Variants in TBC1D12 observed in about 807,000 individuals in gnomAD.
TBC1D12 encodes the protein TBC1 domain family member 12.
Under a neutral mutation model 86.7 loss-of-function variants are expected in TBC1D12, and 56 were observed. That is an observed-to-expected ratio of 0.65 (90% CI 0.52 to 0.81). The LOEUF (loss-of-function observed/expected upper bound fraction) is 0.81, where lower values mean the gene tolerates loss of function less well. Ranked by LOEUF, TBC1D12 falls within the 30% of genes least tolerant of loss-of-function variation. The pLI is 0.00. For missense variants in TBC1D12, 1,023 were observed against 1,038.8 expected (o/e 0.98, Z 0.21); for synonymous variants, 421 against 411.7 (o/e 1.02, Z -0.27).
chr10:94,530,739 G>A (rs986584486), intron 11 of TBC1D12, among the ~76,000 whole-genome samples: 6 of 151,882 alleles, frequency 4.0e-5, no homozygotes, highest in African/African-American at 1.5e-4. Flanking sequence ...TTAACTACCA[G>A]ACTGTTCTAC....
intron 9 of TBC1D12, among the ~76,000 whole-genome samples, chr10:94,515,493 G>A (rs1282618396): frequency 6.6e-6 from 1 of 151,728 alleles, no homozygotes; most frequent in Non-Finnish European, 1.5e-5. Context: ...GATTACAGGC[G>A]CCCGCCACCA....
chr10:94,500,268 CTA>C lies in TBC1D12; in HGVS notation c.1461_1462del (p.Ser488CysfsTer13). 6.2e-7 allele frequency: 1 copy of C among 1,613,992 alleles called. No individual in the cohort carries two copies. The highest frequency in any genetic ancestry group is 8.5e-7 in the Non-Finnish European group (1 of 1,179,934). ...GAATTGTGGTGGCAGGGATTGCCCCCTAGTGTCCGTGGGAAAGTTTGGAGTCT... is the reference window on the plus strand; with the variant it reads ...GAATTGTGGTGGCAGGGATTGCCCCCGTGTCCGTGGGAAAGTTTGGAGTCT... On this transcript the variant is annotated frameshift_variant, in exon 6 of 13. Transcript: ENST00000225235. LOFTEE classifies it high-confidence loss of function.
At chr10:94,529,416 C>T (rs149910099) in intron 11 of TBC1D12, among the ~76,000 whole-genome samples, 3,339 of 152,226 alleles carry the variant, frequency 0.022, 127 homozygotes, top group African/African-American at 0.074. Flanking sequence ...GTTGGGAATT[C>T]GAGACCAGCC....
intron 2 of TBC1D12, among the ~76,000 whole-genome samples, chr10:94,472,162 T>C (rs1365701214): frequency 2.6e-5 from 4 of 152,154 alleles, no homozygotes; most frequent in African/African-American, 7.2e-5. Flanking sequence ...CCTGACACTT[T>C]GGGAGACAGG....
At chr10:94,504,294 G>A (rs2056434820) in intron 6 of TBC1D12, among the ~76,000 whole-genome samples, 1 of 152,068 alleles carries the variant, frequency 6.6e-6, no homozygotes, top group Admixed American at 6.6e-5. Flanking sequence ...TAAAATATTG[G>A]TTAAATTGGT....
chr10:94,517,455 A>T (rs1321389573), intron 9 of TBC1D12, among the ~76,000 whole-genome samples: 1 of 152,194 alleles, frequency 6.6e-6, no homozygotes, highest in African/African-American at 2.4e-5. Flanking sequence ...GAAAATTAAA[A>T]TACTGTTACT....
chr10:94,531,936 A>G (rs1433130484), intron 12 of TBC1D12, among the ~76,000 whole-genome samples: 2 of 149,566 alleles, frequency 1.3e-5, no homozygotes, highest in South Asian at 2.1e-4. Context: ...GCTGGAGTGC[A>G]GTGGTGTGAT....
rs1389710881 is a variant in TBC1D12, at chr10:94,403,181, G to C, written c.568G>C (p.Asp190His). The C allele has an allele frequency of 4.0e-6, 6 of 1,488,774 alleles. No individual in the cohort carries two copies. In the African/African-American group the frequency reaches 7.3e-5, roughly 18 times the overall value. 92.2% of individuals were successfully genotyped at this position (1,488,774 alleles called of 1,614,324 possible). A position where few individuals can be genotyped will look rare whatever the true frequency, so the allele number is the denominator to read the frequency against. Residue 190 changes from aspartate to histidine, a missense_variant, in exon 1 of 13, where the codon GAT becomes CAT. Physicochemically the swap from Asp to His is moderately conservative, Grantham distance 81. Transcript: ENST00000225235. ...EDADGAGSPS[D>H]WASPLEDPLR... The stretch of plus-strand genomic sequence containing the variant: ...CGCGGACGGCGCGGGAAGCCCGTCC[G>C]ATTGGGCCTCTCCGCTTGAGGACCC...
intron 1 of TBC1D12, among the ~76,000 whole-genome samples, chr10:94,428,492 T>C (rs2055175606): frequency 6.6e-6 from 1 of 151,600 alleles, no homozygotes; most frequent in Non-Finnish European, 1.5e-5. Flanking sequence ...TTTGCCATGT[T>C]AGACAGGGTA....
intron 1 of TBC1D12, among the ~76,000 whole-genome samples, chr10:94,420,759 T>TC (rs748069042): frequency 2.6e-5 from 4 of 152,244 alleles, no homozygotes; most frequent in Non-Finnish European, 4.4e-5. Context: ...CATCCATTTA[T>TC]CCACTGGTGG....
chr10:94,440,891 A>G (rs751822532), intron 1 of TBC1D12, among the ~76,000 whole-genome samples: 31 of 152,146 alleles, frequency 2.0e-4, no homozygotes, highest in Non-Finnish European at 3.7e-4. Context: ...AGGGTGCACA[A>G]TGACGCGGAG....
chr10:94,461,298 T>C (rs540869438), intron 2 of TBC1D12, among the ~76,000 whole-genome samples: 1 of 152,286 alleles, frequency 6.6e-6, no homozygotes, highest in South Asian at 2.1e-4. Flanking sequence ...TTCATAGTGC[T>C]TCTCAGTTTT....
At chr10:94,423,716 C>T (rs543981366) in intron 1 of TBC1D12, among the ~76,000 whole-genome samples, 2 of 152,130 alleles carry the variant, frequency 1.3e-5, no homozygotes, top group Non-Finnish European at 2.9e-5. Context: ...GTCTGCTTGT[C>T]TTAGCCTGTG....
At chr10:94,449,505 T>C (rs1451300992) in intron 2 of TBC1D12, among the ~76,000 whole-genome samples, 1 of 152,200 alleles carries the variant, frequency 6.6e-6, no homozygotes, top group Non-Finnish European at 1.5e-5. Flanking sequence ...GCATAATGGT[T>C]TCCTCAGCTC....
At chr10:94,433,025 T>G (rs1323989825) in intron 1 of TBC1D12, among the ~76,000 whole-genome samples, 2 of 151,890 alleles carry the variant, frequency 1.3e-5, no homozygotes, top group African/African-American at 4.8e-5. Context: ...GCCGACATGG[T>G]AAAACCCTGT....
At chr10:94,443,577 T>A (rs887224820) in intron 2 of TBC1D12, among the ~76,000 whole-genome samples, 6 of 152,232 alleles carry the variant, frequency 3.9e-5, no homozygotes, top group Non-Finnish European at 7.3e-5. Flanking sequence ...ACTGGGGTAC[T>A]GTGGGATATT....
At chr10:94,433,170 A>G (rs925468478) in intron 1 of TBC1D12, among the ~76,000 whole-genome samples, 1 of 152,092 alleles carries the variant, frequency 6.6e-6, no homozygotes, top group African/African-American at 2.4e-5. Flanking sequence ...GTGCCACTCC[A>G]GCCTGGGCAA....
chr10:94,451,029 G>C (rs1486504573), intron 2 of TBC1D12, among the ~76,000 whole-genome samples: 1 of 152,082 alleles, frequency 6.6e-6, no homozygotes, highest in Non-Finnish European at 1.5e-5. Flanking sequence ...GTAGGAGGAA[G>C]GTGGTGGTGG....
At chr10:94,442,131 T>C (rs1267579861) in intron 2 of TBC1D12, 112 bp downstream of exon 2, 3 of 1,210,786 alleles carry the variant, frequency 2.5e-6, no homozygotes, top group Non-Finnish European at 3.3e-6. Flanking sequence ...TATTCTTATT[T>C]TTCTAGATAC....
Sources: gnomAD v4.1 joint callset for allele counts (sites outside exome capture counted in the v4.1 genomes callset) on GRCh38, gnomAD v4.1.1 for gene constraint, MANE v1.5 for transcripts, NCBI Gene and HGNC (gene_info 2026-07-23, HGNC 2026-07-21) for gene names.